Variants in LANCL3 observed in about 807,000 individuals in gnomAD.
The protein encoded by LANCL3 is LanC like family member 3.
Under a neutral mutation model 26.5 loss-of-function variants are expected in LANCL3, and 19 were observed. That is an observed-to-expected ratio of 0.72 (90% CI 0.50 to 1.05). LANCL3 has a LOEUF of 1.05. Among genes scored for constraint, LANCL3 ranks in the 50% least tolerant of loss-of-function variants. The probability of loss-of-function intolerance (pLI) is 0.00; values close to 1 mark genes in which losing one functional copy is unlikely to be tolerated. For missense variants in LANCL3, 318 were observed against 362.7 expected (o/e 0.88, Z 1.00); for synonymous variants, 160 against 166.6 (o/e 0.96, Z 0.30).
At chrX:37,659,395 C>A in intron 2 of LANCL3, 67 bp from the exon 3 acceptor site, 1 of 823,338 alleles carries the variant, frequency 1.2e-6, no homozygotes, top group Non-Finnish European at 1.8e-6. Flanking sequence ...TCCTGTTGAT[C>A]TTTTCACTAA....
chrX:37,632,354 T>C (rs1240407147), intron 1 of LANCL3, among the ~76,000 whole-genome samples: 3 of 111,666 alleles, frequency 2.7e-5, no homozygotes, highest in Non-Finnish European at 3.8e-5. Context: ...TGTCTCTGCA[T>C]GTGAGATGGG....
intron 4 of LANCL3, among the ~76,000 whole-genome samples, chrX:37,671,505 T>C (rs782175343): frequency 1.9e-4 from 21 of 111,454 alleles, no homozygotes; most frequent in Middle Eastern, 4.6e-3. Flanking sequence ...TTCCTACGAA[T>C]GAAAGGTCCT....
chrX:37,656,577 G>A (rs1556430965), intron 2 of LANCL3, among the ~76,000 whole-genome samples: 1 of 112,486 alleles, frequency 8.9e-6, no homozygotes, highest in Non-Finnish European at 1.9e-5. Context: ...AAGGGTTGTT[G>A]AATCCTCTCT....
At chrX:37,670,455 T>C (rs1926655116) in intron 4 of LANCL3, among the ~76,000 whole-genome samples, 1 of 88,470 alleles carries the variant, frequency 1.1e-5, no homozygotes, top group African/African-American at 7.0e-5. Context: ...GGGCTTGTAA[T>C]AATTTTATGA....
chrX:37,660,223 A>G (rs1926383182), intron 3 of LANCL3, among the ~76,000 whole-genome samples: 2 of 111,793 alleles, frequency 1.8e-5, no homozygotes, highest in East Asian at 5.6e-4. Flanking sequence ...AACCAGTAGC[A>G]TGAGCAACTG....
rs1365600647 is a variant in LANCL3, at chrX:37,650,755, A to G, written c.574-4933A>G. On this transcript the variant is annotated intron_variant, in intron 1 of 4. Transcript: ENST00000378619. ...TTTTTTTCTCTTTTTTTTTATTATT[A>G]TACTTTAAGTTCTAGGGTACATGTG... is the stretch of plus-strand genomic sequence containing the variant. Among the ~76,000 whole-genome samples the G allele has an allele frequency of 3.0e-5, 3 of 100,170 alleles. No homozygotes were observed. In the East Asian group the frequency reaches 9.2e-4, roughly 31 times the overall value. 87.0% of individuals were successfully genotyped at this position (100,170 alleles called of 115,157 possible).
intron 4 of LANCL3, among the ~76,000 whole-genome samples, chrX:37,669,933 T>G (rs782323340): frequency 2.9e-4 from 33 of 112,422 alleles, no homozygotes; most frequent in African/African-American, 8.7e-4. Flanking sequence ...AATGAACAAT[T>G]TTTAAGGGAC....
At chrX:37,658,295 G>T (rs914277816) in intron 2 of LANCL3, among the ~76,000 whole-genome samples, 12 of 112,094 alleles carry the variant, frequency 1.1e-4, no homozygotes, top group African/African-American at 3.9e-4. Flanking sequence ...ATGATTTATT[G>T]TAAGGAATTG....
intron 1 of LANCL3, among the ~76,000 whole-genome samples, chrX:37,574,309 G>C (rs2146702194): frequency 9.0e-6 from 1 of 111,258 alleles, no homozygotes; most frequent in Non-Finnish European, 1.9e-5. Context: ...GTGATCCATA[G>C]ACCTTGATTA....
intron 1 of LANCL3, among the ~76,000 whole-genome samples, chrX:37,605,836 C>T (rs1924697232): frequency 8.9e-6 from 1 of 111,835 alleles, no homozygotes; most frequent in Non-Finnish European, 1.9e-5. Flanking sequence ...CAGTCCTCCT[C>T]CCCTGCTCTG....
intron 1 of LANCL3, among the ~76,000 whole-genome samples, chrX:37,589,849 C>A: frequency 9.0e-6 from 1 of 111,712 alleles, no homozygotes; most frequent in Non-Finnish European, 1.9e-5. Flanking sequence ...CACACAGAGG[C>A]CTTAAAGGGC....
chrX:37,669,806 C>T (rs1926637364), intron 4 of LANCL3, among the ~76,000 whole-genome samples: 1 of 112,045 alleles, frequency 8.9e-6, no homozygotes, highest in Admixed American at 9.5e-5. Context: ...GCTATGTTGC[C>T]CAGGCTGGCA....
At chrX:37,657,280 C>T (rs920213767) in intron 2 of LANCL3, among the ~76,000 whole-genome samples, 2 of 112,793 alleles carry the variant, frequency 1.8e-5, no homozygotes, top group Non-Finnish European at 3.7e-5. Context: ...AGCAAAGATG[C>T]ATCTGAATGT....
In LANCL3 at chrX:37,612,289, C is replaced by A. The variant is rs534604226; in HGVS notation, c.573+39846C>A. Reference sequence around the variant, plus strand: ...AGTTCATATCCTACACATAGTGAATCATAATCTATGAGAATGGAACCTGGA... The same window carrying A: ...AGTTCATATCCTACACATAGTGAATAATAATCTATGAGAATGGAACCTGGA... On this transcript the variant is annotated intron_variant, in intron 1 of 4. Transcript: ENST00000378619. 2.3e-4 allele frequency among the ~76,000 whole-genome samples: 26 copies of A among 111,750 alleles called. No homozygotes were observed. In the South Asian group the frequency reaches 9.1e-3, roughly 39 times the overall value.
At chrX:37,649,402 A>C (rs1556428057) in intron 1 of LANCL3, among the ~76,000 whole-genome samples, 1 of 110,711 alleles carries the variant, frequency 9.0e-6, no homozygotes, top group East Asian at 2.8e-4. Context: ...GGAGTTGAAC[A>C]ATGAGAACAC....
rs1187499386 is a variant in LANCL3, at chrX:37,633,646, C to G, written c.574-22042C>G. On this transcript the variant is annotated intron_variant, in intron 1 of 4. Transcript: ENST00000378619. ...TTCTGTTTGTTAGTTTTCCTTCTAACAGACAGGACCCTCAGCTGCAGGTCT... is the reference window on the plus strand; with the variant it reads ...TTCTGTTTGTTAGTTTTCCTTCTAAGAGACAGGACCCTCAGCTGCAGGTCT... 2.7e-5 allele frequency among the ~76,000 whole-genome samples: 3 copies of G among 111,709 alleles called. No individual in the cohort carries two copies. In the Admixed American group the frequency reaches 2.8e-4, roughly 11 times the overall value.
intron 1 of LANCL3, among the ~76,000 whole-genome samples, chrX:37,585,395 G>A (rs1320964210): frequency 1.2e-4 from 13 of 111,338 alleles, no homozygotes; most frequent in African/African-American, 4.3e-4. Context: ...TGACAGTGGG[G>A]TGTTAAATTC....
chrX:37,580,339 A>G (rs1353307731), intron 1 of LANCL3, among the ~76,000 whole-genome samples: 1 of 111,983 alleles, frequency 8.9e-6, no homozygotes, highest in Non-Finnish European at 1.9e-5. Flanking sequence ...ATTTCCACAC[A>G]CTGTTGTAAG....
chrX:37,667,551 T>C, intron 4 of LANCL3, 62 bp downstream of exon 4: 1 of 829,269 alleles, frequency 1.2e-6, no homozygotes, highest in Non-Finnish European at 1.6e-6. Context: ...TTTTTCTGAA[T>C]TACTAATATA....
Sources: allele counts gnomAD v4.1 joint callset (sites outside exome capture counted in the v4.1 genomes callset), GRCh38; gene constraint gnomAD v4.1.1; transcripts MANE v1.5; gene names NCBI Gene and HGNC (gene_info 2026-07-23, HGNC 2026-07-21).